The following DLGAP2 variants were observed in gnomAD, a reference collection of about 807,000 sequenced individuals.
DLGAP2 encodes the protein disks large-associated protein 2.
Under a neutral mutation model 100.3 loss-of-function variants are expected in DLGAP2, and 26 were observed. The observed-to-expected ratio is 0.26, with a 90% CI of 0.19 to 0.36. The LOEUF (loss-of-function observed/expected upper bound fraction) is 0.36. DLGAP2 is among the 10% of genes least tolerant of loss of function. The probability of loss-of-function intolerance (pLI) is 1.00; values close to 1 mark genes in which losing one functional copy is unlikely to be tolerated. For missense variants in DLGAP2, 1,858 were observed against 1,453.2 expected (o/e 1.28, Z -4.53); for synonymous variants, 886 against 630.1 (o/e 1.41, Z -6.08).
At chr8:789,300 C>T (rs557904032) in intron 1 of DLGAP2, among the ~76,000 whole-genome samples, 1 of 152,322 alleles carries the variant, frequency 6.6e-6, no homozygotes, top group South Asian at 2.1e-4. Flanking sequence ...AAACTTACAA[C>T]CATGGCGGAA....
chr8:863,090 G>A (rs745809779), intron 1 of DLGAP2, among the ~76,000 whole-genome samples: 3 of 152,124 alleles, frequency 2.0e-5, no homozygotes, highest in East Asian at 3.9e-4. Flanking sequence ...GCACGATTCC[G>A]TTGGAAGGTG....
At chr8:1,342,747 C>A (rs1443048568) in intron 3 of DLGAP2, among the ~76,000 whole-genome samples, 1 of 152,182 alleles carries the variant, frequency 6.6e-6, no homozygotes, top group Non-Finnish European at 1.5e-5. Flanking sequence ...AATTAACAAG[C>A]TTGTGAAATG....
At chr8:1,432,591 T>C (rs947438896) in intron 3 of DLGAP2, among the ~76,000 whole-genome samples, 2 of 152,242 alleles carry the variant, frequency 1.3e-5, no homozygotes, top group Admixed American at 6.5e-5. Context: ...TTTGTAGTTG[T>C]AGTTCTAGAA....
intron 3 of DLGAP2, among the ~76,000 whole-genome samples, chr8:1,366,265 A>T (rs1802106174): frequency 1.3e-5 from 2 of 152,204 alleles, no homozygotes; most frequent in Non-Finnish European, 2.9e-5. Context: ...AACATTTATC[A>T]CCCATTTGTA....
rs141747566 is a variant in DLGAP2 at position 961,615 on chromosome 8, T to G, written c.73+53649T>G. Among the ~76,000 whole-genome samples, 140 of 152,346 alleles carry G rather than the reference T, an allele frequency of 9.2e-4. 1 individual carries two copies. The highest frequency in any genetic ancestry group is 3.5e-3 in the South Asian group (17 of 4,832). On this transcript the variant is annotated intron_variant, in intron 2 of 14. Transcript: ENST00000637795. ...TCATTGAATGATATTTTCCTTAAAT[T>G]TATACACAAGTATTTCTGATTATTA...
intron 5 of DLGAP2, among the ~76,000 whole-genome samples, chr8:1,558,386 C>T (rs188139425): frequency 5.1e-4 from 77 of 152,288 alleles, no homozygotes; most frequent in Non-Finnish European, 9.9e-4. Flanking sequence ...GGCCACACCG[C>T]AGGCCTGGGG....
intron 3 of DLGAP2, among the ~76,000 whole-genome samples, chr8:1,303,952 A>C (rs1031068142): frequency 3.3e-5 from 5 of 152,056 alleles, no homozygotes; most frequent in Non-Finnish European, 5.9e-5. Flanking sequence ...ATGCACTCTC[A>C]CAGAAGGGAA....
chr8:770,179 G>A (rs1012438415), intron 1 of DLGAP2, among the ~76,000 whole-genome samples: 1 of 152,152 alleles, frequency 6.6e-6, no homozygotes, highest in Non-Finnish European at 1.5e-5. Flanking sequence ...ACAGCACAGT[G>A]TTGCTACAAT....
intron 1 of DLGAP2, among the ~76,000 whole-genome samples, chr8:827,634 T>C (rs578110192): frequency 1.1e-4 from 17 of 152,342 alleles, no homozygotes; most frequent in African/African-American, 4.1e-4. Flanking sequence ...TCATTTGAAA[T>C]AAGATAAATG....
At chr8:913,077 G>C (rs529301116) in intron 2 of DLGAP2, among the ~76,000 whole-genome samples, 3 of 152,192 alleles carry the variant, frequency 2.0e-5, no homozygotes, top group Non-Finnish European at 4.4e-5. Flanking sequence ...ATTTACATAG[G>C]TTGAGCAAAT....
At chr8:1,006,397 G>GT (rs1801110551) in intron 2 of DLGAP2, among the ~76,000 whole-genome samples, 1 of 150,560 alleles carries the variant, frequency 6.6e-6, no homozygotes, top group South Asian at 2.1e-4. Context: ...GGGACACCAT[G>GT]TGTCTGAAGT....
At chr8:769,057 G>C (rs1301692085) in intron 1 of DLGAP2, among the ~76,000 whole-genome samples, 2 of 152,168 alleles carry the variant, frequency 1.3e-5, no homozygotes, top group Non-Finnish European at 2.9e-5. Flanking sequence ...GACAGTGCGT[G>C]CATGGTCAGG....
intron 5 of DLGAP2, among the ~76,000 whole-genome samples, chr8:1,552,422 C>T (rs1438665800): frequency 6.6e-6 from 1 of 152,196 alleles, no homozygotes; most frequent in African/African-American, 2.4e-5. Context: ...GCTGCTGGAC[C>T]CCTCATGGAA....
chr8:1,707,662 A>G lies in DLGAP2; in HGVS notation c.*6256A>G, dbSNP rs181154496. The G allele has an allele frequency of 6.6e-6, 1 of 152,300 alleles. No individual in the cohort carries two copies. The highest frequency in any genetic ancestry group is 1.5e-5 in the Non-Finnish European group (1 of 68,028). 9.4% of individuals were successfully genotyped at this position (152,300 alleles called of 1,614,324 possible). A position where few individuals can be genotyped will look rare whatever the true frequency, so the allele number is the denominator to read the frequency against. On this transcript the variant is annotated 3_prime_UTR_variant, in exon 15 of 15. Coordinates refer to ENST00000637795, the MANE Select transcript of DLGAP2 (RefSeq NM_001346810.2). ...GAGACAACTCATCCCCCGACCTTCCATACTACAGACCAAAATACCCAGGTG... is the reference window on the plus strand; with the variant it reads ...GAGACAACTCATCCCCCGACCTTCCGTACTACAGACCAAAATACCCAGGTG...
At chr8:1,415,477 T>C (rs1796857048) in intron 3 of DLGAP2, among the ~76,000 whole-genome samples, 1 of 152,096 alleles carries the variant, frequency 6.6e-6, no homozygotes, top group Non-Finnish European at 1.5e-5. Flanking sequence ...CCTCCCCCTC[T>C]AGTAGCCCTG....
intron 6 of DLGAP2, among the ~76,000 whole-genome samples, chr8:1,571,124 A>G (rs1188694799): frequency 1.1e-5 from 1 of 88,046 alleles, no homozygotes; most frequent in Non-Finnish European, 2.1e-5. Flanking sequence ...GATGGAGAGG[A>G]GAAAGGGGTG....
intron 3 of DLGAP2, among the ~76,000 whole-genome samples, chr8:1,346,541 A>C (rs188275741): frequency 6.7e-6 from 1 of 148,428 alleles, no homozygotes; most frequent in Non-Finnish European, 1.5e-5. Context: ...ACAGAGCTGC[A>C]TTGCACTCAT....
At chr8:893,830 C>A (rs1300001603) in intron 1 of DLGAP2, among the ~76,000 whole-genome samples, 1 of 152,224 alleles carries the variant, frequency 6.6e-6, no homozygotes, top group African/African-American at 2.4e-5. Context: ...CCCCCTTCGG[C>A]CAGCAGCATG....
intron 2 of DLGAP2, among the ~76,000 whole-genome samples, chr8:1,040,588 C>A (rs1016609961): frequency 6.7e-6 from 1 of 149,916 alleles, no homozygotes; most frequent in East Asian, 2.0e-4. Context: ...CCGTGGTCGG[C>A]TCAGTGTGCG....
Sources: allele counts gnomAD v4.1 joint callset (sites outside exome capture counted in the v4.1 genomes callset), GRCh38; gene constraint gnomAD v4.1.1; transcripts MANE v1.5; gene names NCBI Gene and HGNC (gene_info 2026-07-23, HGNC 2026-07-21).